The following DPF3 variants were observed in gnomAD, a reference collection of about 807,000 sequenced individuals.
DPF3 encodes double PHD fingers 3.
In DPF3, 18 loss-of-function variants were observed where a neutral mutation model predicts 56.8. That is an observed-to-expected ratio of 0.32 (90% CI 0.22 to 0.47). The LOEUF (loss-of-function observed/expected upper bound fraction) is 0.47, where lower values mean the gene tolerates loss of function less well. Ranked by LOEUF, DPF3 falls within the 20% of genes least tolerant of loss-of-function variation. DPF3 has a pLI of 1.00. For missense variants in DPF3, 403 were observed against 488.8 expected (o/e 0.82, Z 1.65); for synonymous variants, 188 against 180.2 (o/e 1.04, Z -0.35).
chr14:72,753,108 G>C (rs1890647177), intron 3 of DPF3, among the ~76,000 whole-genome samples, 156 bp downstream of exon 3: 1 of 152,164 alleles, frequency 6.6e-6, no homozygotes, highest in South Asian at 2.1e-4. Flanking sequence ...TACTCAGCAG[G>C]CACAGAGGTG....
chr14:72,704,859 T>C (rs1888338758), intron 6 of DPF3, among the ~76,000 whole-genome samples: 1 of 152,218 alleles, frequency 6.6e-6, no homozygotes, highest in Non-Finnish European at 1.5e-5. Context: ...CTTCTTCATC[T>C]GCCCCGTCTA....
chr14:72,661,098 C>G, intron 8 of DPF3: 1 of 985,460 alleles, frequency 1.0e-6, no homozygotes, highest in Non-Finnish European at 1.2e-6. Flanking sequence ...ACACTTGGTA[C>G]AAACCCTACA....
intron 1 of DPF3, among the ~76,000 whole-genome samples, chr14:72,847,629 A>G (rs1884811615): frequency 1.3e-5 from 2 of 151,944 alleles, no homozygotes; most frequent in Non-Finnish European, 2.9e-5. Context: ...CTCCCACCTC[A>G]GCCTCCCGAG....
intron 6 of DPF3, among the ~76,000 whole-genome samples, chr14:72,714,026 C>T (rs977835557): frequency 3.3e-5 from 5 of 152,162 alleles, no homozygotes; most frequent in Non-Finnish European, 7.3e-5. Flanking sequence ...CCATGGCGAG[C>T]CAAGTACCTT....
chr14:72,851,311 T>C (rs192124076), intron 1 of DPF3, among the ~76,000 whole-genome samples: 3 of 152,336 alleles, frequency 2.0e-5, no homozygotes, highest in African/African-American at 7.2e-5. Flanking sequence ...CTAATATTTT[T>C]CTTAATCCCT....
At position 72,883,937 on chromosome 14, in the gene DPF3, A is replaced by AG. The variant is rs574202605; in HGVS notation, c.32+10119_32+10120insC. Among the ~76,000 whole-genome samples, 817 of 151,224 alleles carry AG rather than the reference A, an allele frequency of 5.4e-3. 4 individuals carry two copies. Among genetic ancestry groups the AG allele is most frequent in the Non-Finnish European group, 7.7e-3 (519 of 67,756 alleles). On this transcript the variant is annotated intron_variant, in intron 1 of 10. Coordinates refer to ENST00000556509, the MANE Select transcript of DPF3 (RefSeq NM_001280542.3). The stretch of plus-strand genomic sequence containing the variant: ...GTGAGACTCTGTCTCAAAAAAAAAA[A>AG]AAAAAGAAAAAGAAAAAGAATCCAT...
chr14:72,879,706 A>G (rs1886253559), intron 1 of DPF3: 1 of 1,403,846 alleles, frequency 7.1e-7, no homozygotes, highest in African/African-American at 1.4e-5. Context: ...CTCAGACACC[A>G]GGGGAATGTG....
At chr14:72,725,063 A>G (rs1889344665) in intron 4 of DPF3, among the ~76,000 whole-genome samples, 1 of 152,090 alleles carries the variant, frequency 6.6e-6, no homozygotes, top group African/African-American at 2.4e-5. Context: ...AGGGCAAGTC[A>G]TCATCTCTTC....
chr14:72,688,770 G>A (rs181036538), intron 7 of DPF3, among the ~76,000 whole-genome samples: 17 of 152,290 alleles, frequency 1.1e-4, no homozygotes, highest in Admixed American at 9.2e-4. Flanking sequence ...CAAAAAGTAG[G>A]TGAAGGTGGT....
At chr14:72,819,728 G>A (rs993452493) in intron 1 of DPF3, among the ~76,000 whole-genome samples, 1 of 152,146 alleles carries the variant, frequency 6.6e-6, no homozygotes, top group Non-Finnish European at 1.5e-5. Flanking sequence ...CTTGAGCCCA[G>A]GAGTTCAAGA....
chr14:72,783,634 C>A (rs995952444), intron 1 of DPF3, among the ~76,000 whole-genome samples: 1 of 152,224 alleles, frequency 6.6e-6, no homozygotes, highest in African/African-American at 2.4e-5. Context: ...ATACCCCAAA[C>A]CTGGAGAGAG....
intron 1 of DPF3, among the ~76,000 whole-genome samples, chr14:72,810,978 G>C (rs974941512): frequency 6.6e-6 from 1 of 152,248 alleles, no homozygotes; most frequent in African/African-American, 2.4e-5. Context: ...GCAGGCTGTA[G>C]AGCAACCACG....
rs1369618079 is a variant in DPF3 at position 72,612,094 on chromosome 14, A to C, written c.*7203T>G. ...GCCAGTAACAGCCTGCCCTGCAATGATTCATGGCAGGCAAAAGATGGGTTC... is the reference window on the plus strand; with the variant it reads ...GCCAGTAACAGCCTGCCCTGCAATGCTTCATGGCAGGCAAAAGATGGGTTC... On this transcript the variant is annotated 3_prime_UTR_variant, in exon 11 of 11. Coordinates refer to ENST00000556509, the MANE Select transcript of DPF3 (RefSeq NM_001280542.3). Among the ~76,000 whole-genome samples, 1 of 152,172 alleles carries C rather than the reference A, an allele frequency of 6.6e-6. No individual in the cohort carries two copies. Among genetic ancestry groups the C allele is most frequent in the Non-Finnish European group, 1.5e-5 (1 of 68,030 alleles).
chr14:72,807,728 A>C (rs1882846554), intron 1 of DPF3, among the ~76,000 whole-genome samples: 1 of 152,192 alleles, frequency 6.6e-6, no homozygotes, highest in African/African-American at 2.4e-5. Flanking sequence ...TAGAGCTACA[A>C]GGTACCGCCA....
rs769824354 is a variant in DPF3 at position 72,692,487 on chromosome 14, T to C, written c.742+589A>G. On this transcript the variant is annotated intron_variant, in intron 7 of 10. Transcript: ENST00000556509. The stretch of plus-strand genomic sequence containing the variant: ...AAAATCTTCAGGATCATTTTGGGTC[T>C]TGAGAGCCCAACATCCCAAACGACA... Among the ~76,000 whole-genome samples the C allele has an allele frequency of 2.6e-5, 4 of 152,202 alleles. No individual in the cohort carries two copies. In the East Asian group the frequency reaches 7.7e-4, roughly 29 times the overall value.
Position 72,732,056 on chromosome 14 carries a change from C to T in DPF3, c.302-122G>A, listed in dbSNP as rs890726185. On this transcript the variant is annotated intron_variant, in intron 3 of 10. Coordinates refer to ENST00000556509, the MANE Select transcript of DPF3 (RefSeq NM_001280542.3). ...GAGGACTCGGGGCCTGTGCTCTCTC[C>T]TCCTGGAGGGAGAGGAACACTGGAG... 66 of 1,291,946 alleles carry T rather than the reference C, an allele frequency of 5.1e-5. No individual in the cohort carries two copies. The African/African-American group carries it at 9.0e-4, about 18-fold the overall frequency. The allele number at this position is 1,291,946 out of a possible 1,614,324, so 80.0% of individuals were successfully genotyped here. A position where few individuals can be genotyped will look rare whatever the true frequency, so the allele number is the denominator to read the frequency against.
At chr14:72,835,162 G>A (rs935767289) in intron 1 of DPF3, among the ~76,000 whole-genome samples, 9 of 152,138 alleles carry the variant, frequency 5.9e-5, no homozygotes, top group Non-Finnish European at 1.3e-4. Context: ...CCGCCTCCCG[G>A]GTTCAAGCAA....
rs79753306 is a variant in DPF3, at chr14:72,701,440, T to G, written c.605-8227A>C. 2.8e-4 allele frequency among the ~76,000 whole-genome samples: 42 copies of G among 152,330 alleles called. No individual in the cohort carries two copies. The East Asian group carries it at 7.7e-3, about 28-fold the overall frequency. ...TCCCAATCCAGAACTGGATTCTGCA[T>G]GCAGGACCTCCTGTCTGGAGTTATG... On this transcript the variant is annotated intron_variant, in intron 6 of 10. Transcript: ENST00000556509.
At chr14:72,746,616 G>T (rs1226588042) in intron 3 of DPF3, among the ~76,000 whole-genome samples, 1 of 152,252 alleles carries the variant, frequency 6.6e-6, no homozygotes, top group African/African-American at 2.4e-5. Context: ...CTGGGGGCTG[G>T]TGTGGAGGAA....
Sources: allele counts gnomAD v4.1 joint callset (sites outside exome capture counted in the v4.1 genomes callset), GRCh38; gene constraint gnomAD v4.1.1; transcripts MANE v1.5; gene names NCBI Gene and HGNC (gene_info 2026-07-23, HGNC 2026-07-21).